Variants in LYRM4 observed in about 807,000 individuals in gnomAD.
The protein encoded by LYRM4 is LYR motif containing 4, also known as LYR motif-containing protein 4.
LYRM4 carries 9 observed loss-of-function variants against 11.7 expected under a neutral mutation model. The observed-to-expected ratio is 0.77, with a 90% confidence interval of 0.46 to 1.34. LYRM4 has a LOEUF of 1.34. Ranked by LOEUF, LYRM4 falls within the 40% of genes most tolerant of loss-of-function variation. The pLI is 0.00. For missense variants in LYRM4, 133 were observed against 112.5 expected (o/e 1.18, Z -0.82); for synonymous variants, 42 against 40.4 (o/e 1.04, Z -0.15).
chr6:5,216,879 C>G, intron 1 of LYRM4, 141 bp from the exon 2 acceptor site: 1 of 1,016,502 alleles, frequency 9.8e-7, no homozygotes, highest in Non-Finnish European at 1.4e-6. Context: ...TTGCTCGTGG[C>G]GCAGGCTGAT....
intron 2 of LYRM4, among the ~76,000 whole-genome samples, chr6:5,181,307 C>A (rs1292769524): frequency 6.6e-6 from 1 of 152,140 alleles, no homozygotes; most frequent in Non-Finnish European, 1.5e-5. Flanking sequence ...CACGATGTAT[C>A]GAGGACTCAC....
the LYRM4 span, among the ~76,000 whole-genome samples, chr6:5,040,057 A>G: frequency 6.6e-6 from 1 of 152,226 alleles, no homozygotes; most frequent in African/African-American, 2.4e-5. Flanking sequence ...TGCAAAAAGA[A>G]AATCTTAAAA....
chr6:5,170,859 C>G (rs1404655654), intron 2 of LYRM4, among the ~76,000 whole-genome samples: 3 of 152,192 alleles, frequency 2.0e-5, no homozygotes, highest in Non-Finnish European at 2.9e-5. Flanking sequence ...CATCATAGCA[C>G]CACTTAAAGA....
At chr6:5,057,101 G>A in the LYRM4 span, among the ~76,000 whole-genome samples, 3 of 152,008 alleles carry the variant, frequency 2.0e-5, no homozygotes, top group South Asian at 2.1e-4. Context: ...TTGCTTTTGC[G>A]GTATCAGTGC....
intron 2 of LYRM4, among the ~76,000 whole-genome samples, chr6:5,140,325 A>T (rs571966409): frequency 1.6e-4 from 25 of 152,168 alleles, no homozygotes; most frequent in Non-Finnish European, 3.4e-4. Flanking sequence ...TTATTTGCTC[A>T]GTTAAACTTG....
chr6:5,042,238 TA>T, the LYRM4 span, among the ~76,000 whole-genome samples: 1 of 152,342 alleles, frequency 6.6e-6, no homozygotes, highest in Non-Finnish European at 1.5e-5. Context: ...TATTTTATTG[TA>T]AAATAATCCA....
rs746050227 is a variant in LYRM4, at chr6:5,189,882, AG to A, written c.207+26735del. 1.2e-4 allele frequency among the ~76,000 whole-genome samples: 18 copies of A among 152,322 alleles called. 1 individual carries two copies. In the East Asian group the frequency reaches 3.5e-3, roughly 29 times the overall value. ...TGTTCAAGAAATCTTTATATAACAGAGGTTGATCTGACACAAAGAATTGTTT... is the reference window on the plus strand; with the variant it reads ...TGTTCAAGAAATCTTTATATAACAGAGTTGATCTGACACAAAGAATTGTTT... On this transcript the variant is annotated intron_variant, in intron 2 of 2. Coordinates refer to ENST00000330636, the MANE Select transcript of LYRM4 (RefSeq NM_020408.6).
rs1177254688 is a variant in LYRM4 at position 5,122,449 on chromosome 6, GA to G, written c.208-12959del. Among the ~76,000 whole-genome samples the G allele has an allele frequency of 3.3e-5, 5 of 151,192 alleles. No homozygotes were observed. The South Asian group carries it at 6.2e-4, about 19-fold the overall frequency. On this transcript the variant is annotated intron_variant, in intron 2 of 2. Transcript: ENST00000330636. ...GAAAGGGCTTCCAGAGTAGGAACCAGAAGTCATACTTGTTTTTTTCTTTAAA... is the reference window on the plus strand; with the variant it reads ...GAAAGGGCTTCCAGAGTAGGAACCAGAGTCATACTTGTTTTTTTCTTTAAA...
chr6:5,107,076 C>G (rs187855866), downstream of LYRM4: 149 of 152,392 alleles, frequency 9.8e-4, no homozygotes, highest in Non-Finnish European at 1.7e-3. Flanking sequence ...GGTGGAGGAC[C>G]AAGGCCTGTT....
rs182785152 is a variant in LYRM4 at position 5,192,796 on chromosome 6, C to T, written c.207+23822G>A. On this transcript the variant is annotated intron_variant, in intron 2 of 2. Coordinates refer to ENST00000330636, the MANE Select transcript of LYRM4 (RefSeq NM_020408.6). ...ATCCCAGGACTTTGGGAGGCCGAGG[C>T]GGGCGGATCACCTGAAGTCAGGAGT... 3.3e-3 allele frequency among the ~76,000 whole-genome samples: 507 copies of T among 152,306 alleles called. 7 individuals carry two copies. The highest frequency in any genetic ancestry group is 0.011 in the African/African-American group (471 of 41,566).
chr6:5,090,376 C>T, the LYRM4 span, among the ~76,000 whole-genome samples: 1 of 152,086 alleles, frequency 6.6e-6, no homozygotes, highest in African/African-American at 2.4e-5. The surrounding 1 kb of genome is among the most constrained non-coding windows in gnomAD (Gnocchi z 4.8). Context: ...GGGAAGCTTC[C>T]GGTTTATGAA....
chr6:5,061,843 A>G, the LYRM4 span, among the ~76,000 whole-genome samples: 1 of 152,200 alleles, frequency 6.6e-6, no homozygotes. Context: ...CGCAAGACCC[A>G]GAGATGGAAT....
chr6:5,218,912 T>A (rs556480177), intron 1 of LYRM4, among the ~76,000 whole-genome samples: 1 of 152,242 alleles, frequency 6.6e-6, no homozygotes, highest in Admixed American at 6.5e-5. Flanking sequence ...ACTGTTCTTC[T>A]TGACAACCAC....
intron 2 of LYRM4, among the ~76,000 whole-genome samples, chr6:5,206,350 C>T (rs1581504397): frequency 6.6e-6 from 1 of 152,278 alleles, no homozygotes; most frequent in Middle Eastern, 3.4e-3. Context: ...GCTCGCTGGG[C>T]CAACAATCAG....
chr6:5,141,056 T>C (rs1413041586), intron 2 of LYRM4, among the ~76,000 whole-genome samples: 1 of 152,258 alleles, frequency 6.6e-6, no homozygotes, highest in Non-Finnish European at 1.5e-5. Flanking sequence ...GATGTTCAGC[T>C]TTTTAATCTA....
At chr6:5,052,585 A>G in the LYRM4 span, among the ~76,000 whole-genome samples, 1 of 152,186 alleles carries the variant, frequency 6.6e-6, no homozygotes, top group Admixed American at 6.5e-5. Context: ...GGTGTAAGCC[A>G]TCATGTCTGG....
At chr6:5,048,225 T>C in the LYRM4 span, among the ~76,000 whole-genome samples, 1 of 152,134 alleles carries the variant, frequency 6.6e-6, no homozygotes, top group African/African-American at 2.4e-5. Flanking sequence ...AAATCTTCTT[T>C]TCATGCTATC....
At chr6:5,042,382 C>G in the LYRM4 span, 1 of 152,298 alleles carries the variant, frequency 6.6e-6, no homozygotes, top group African/African-American at 2.4e-5. Flanking sequence ...TCGGCACCAC[C>G]CAGTCAATGA....
At chr6:5,131,153 T>C (rs897011930) in intron 2 of LYRM4, among the ~76,000 whole-genome samples, 5 of 152,178 alleles carry the variant, frequency 3.3e-5, no homozygotes, top group Admixed American at 3.3e-4. Context: ...CAGAATTGAG[T>C]CTAAAACCTT....
Sources: allele counts gnomAD v4.1 joint callset (sites outside exome capture counted in the v4.1 genomes callset), GRCh38; gene constraint gnomAD v4.1.1; non-coding constraint Gnocchi (gnomAD v3.1); transcripts MANE v1.5; gene names NCBI Gene and HGNC (gene_info 2026-07-23, HGNC 2026-07-21).